ENOSF1: variants seen among roughly 807,000 people sequenced by gnomAD.
ENOSF1 encodes the protein enolase superfamily member 1.
A neutral mutation model predicts 68.2 loss-of-function variants in ENOSF1; 73 were observed. That is an observed-to-expected ratio of 1.07 (90% CI 0.89 to 1.30). The LOEUF (loss-of-function observed/expected upper bound fraction) is 1.30, where lower values mean the gene tolerates loss of function less well. Ranked by LOEUF, ENOSF1 falls within the 50% of genes most tolerant of loss-of-function variation. The pLI, the probability that ENOSF1 is intolerant of heterozygous loss-of-function variation, is 0.00. For missense variants in ENOSF1, 589 were observed against 554.5 expected, an observed-to-expected ratio of 1.06 and a Z score of -0.62; for synonymous variants, 223 against 210.4, an observed-to-expected ratio of 1.06 and a Z score of -0.52.
chr18:703,452 T>C (rs112182517), intron 2 of ENOSF1, among the ~76,000 whole-genome samples: 56 of 152,282 alleles, frequency 3.7e-4, no homozygotes, highest in African/African-American at 1.3e-3. Context: ...GTTTGCAGTA[T>C]GGAGAAAGGC....
At position 691,241 on chromosome 18, in the gene ENOSF1, C is replaced by T. The variant is rs753249529; in HGVS notation, c.459G>A (p.Arg153=). ...PRMLVSCIDF[R]YITDVLTEED... The stretch of plus-strand genomic sequence containing the variant: ...CCTCAGTCAGGACATCAGTGATGTA[C>T]CTGAAATCTATGCAGGATACCAGCA... Residue 153 remains arginine, a synonymous_variant, in exon 6 of 16, where the codon AGG becomes AGA. Transcript: ENST00000647584. The T allele has an allele frequency of 2.5e-6, 4 of 1,614,050 alleles. No homozygotes were observed. The African/African-American group carries it at 5.3e-5, about 22-fold the overall frequency.
At chr18:676,598 C>T (rs2144564773) in intron 14 of ENOSF1, among the ~76,000 whole-genome samples, 1 of 152,304 alleles carries the variant, frequency 6.6e-6, no homozygotes, top group East Asian at 1.9e-4. Flanking sequence ...CCAATTAAAC[C>T]TCTTTTCTTT....
intron 2 of ENOSF1, 46 bp from the exon 3 acceptor site, chr18:697,401 C>G: frequency 7.4e-7 from 1 of 1,346,408 alleles, no homozygotes; most frequent in South Asian, 1.2e-5. Flanking sequence ...TATACTAGGT[C>G]AAGAAATTAG....
At chr18:711,341 G>A (rs72853865) in intron 1 of ENOSF1, among the ~76,000 whole-genome samples, 22,747 of 152,100 alleles carry the variant, frequency 0.15, 1,734 homozygotes, top group East Asian at 0.25. Flanking sequence ...TAATGTAATG[G>A]ACACCAGCTT....
chr18:710,898 G>C (rs990099788), intron 1 of ENOSF1, among the ~76,000 whole-genome samples: 2 of 152,180 alleles, frequency 1.3e-5, no homozygotes, highest in Non-Finnish European at 2.9e-5. Context: ...CATTTATTTT[G>C]AGTTCCATAA....
At chr18:679,068 T>TCC (rs1430976540) in intron 11 of ENOSF1, among the ~76,000 whole-genome samples, 1 of 152,126 alleles carries the variant, frequency 6.6e-6, no homozygotes, top group East Asian at 1.9e-4. Context: ...CGCAGTGGCA[T>TCC]AAGGACAGGG....
At chr18:696,370 C>G (rs1259764931) in intron 3 of ENOSF1, among the ~76,000 whole-genome samples, 2 of 152,004 alleles carry the variant, frequency 1.3e-5, no homozygotes, top group African/African-American at 4.8e-5. Context: ...CGCCACCATG[C>G]CCGGCTAATT....
downstream of ENOSF1, among the ~76,000 whole-genome samples, chr18:666,660 G>A (rs2074821478): frequency 6.6e-6 from 1 of 152,208 alleles, no homozygotes; most frequent in Non-Finnish European, 1.5e-5. Context: ...GCCTGGTGAT[G>A]TCAGAATTCT....
chr18:711,245 T>C (rs1376761483), intron 1 of ENOSF1, among the ~76,000 whole-genome samples: 1 of 152,160 alleles, frequency 6.6e-6, no homozygotes, highest in Non-Finnish European at 1.5e-5. Context: ...ATGAACTTAA[T>C]CTCAAAAAGG....
downstream of ENOSF1, chr18:669,365 G>A (rs1336397365): frequency 2.9e-6 from 1 of 340,450 alleles, no homozygotes; most frequent in East Asian, 4.1e-5. Context: ...GGGCCCAGAG[G>A]ATTTTTTTTT....
intron 9 of ENOSF1, 194 bp from the exon 10 acceptor site, chr18:686,202 G>C (rs2076599315): frequency 1.8e-6 from 1 of 556,188 alleles, no homozygotes. Context: ...TCAGTATCAG[G>C]GCAATGACTC....
intron 5 of ENOSF1, 158 bp from the exon 6 acceptor site, chr18:691,434 C>T (rs2077159594): frequency 1.6e-6 from 1 of 622,718 alleles, no homozygotes; most frequent in African/African-American, 1.8e-5. Flanking sequence ...CAGCCTCAGT[C>T]TCCCTGGCTT....
At chr18:693,806 G>A (rs2077443975) in intron 5 of ENOSF1, 76 bp downstream of exon 5, 15 of 1,602,088 alleles carry the variant, frequency 9.4e-6, no homozygotes, top group Non-Finnish European at 1.1e-5. Flanking sequence ...TATATTTACT[G>A]ATCATCAAAA....
chr18:696,648 G>T lies in ENOSF1; in HGVS notation c.309+592C>A, dbSNP rs751506336. On this transcript the variant is annotated intron_variant, in intron 3 of 15. Coordinates refer to ENST00000647584, the MANE Select transcript of ENOSF1 (RefSeq NM_017512.7). The stretch of plus-strand genomic sequence containing the variant: ...TCCTTAGAGAAGAGATAGCTCTTAG[G>T]ACCCAAATCTCAGGACCTCATCTCC... Among the ~76,000 whole-genome samples, 7 of 152,062 alleles carry T rather than the reference G, an allele frequency of 4.6e-5. 1 individual carries two copies.
At chr18:667,107 AGATGGTGATGGT>A (rs1212083746), downstream of ENOSF1, among the ~76,000 whole-genome samples, 11 of 37,388 alleles carry the variant, frequency 2.9e-4, no homozygotes, top group Non-Finnish European at 4.7e-4. Flanking sequence ...ATGGAGATGG[AGATGGTGATGGT>A]GATGGTGATG....
chr18:691,167 G>A (rs756993184), intron 6 of ENOSF1, 37 bp downstream of exon 6: 4 of 1,612,958 alleles, frequency 2.5e-6, no homozygotes, highest in Non-Finnish European at 3.4e-6. Flanking sequence ...ACTACTGTGT[G>A]TGCACGTCGT....
downstream of ENOSF1, among the ~76,000 whole-genome samples, chr18:668,578 TGATAGAA>T (rs1406262554): frequency 6.6e-6 from 1 of 152,026 alleles, no homozygotes; most frequent in African/African-American, 2.4e-5. Flanking sequence ...GCTGCTGAGG[TGATAGAA>T]AGGAATCCAT....
At chr18:704,803 A>C (rs1182820051) in intron 2 of ENOSF1, among the ~76,000 whole-genome samples, 3 of 152,130 alleles carry the variant, frequency 2.0e-5, no homozygotes, top group Admixed American at 2.0e-4. Context: ...ACAGGGTTTC[A>C]CCATGTTGAC....
At chr18:711,916 C>G (rs1481367241) in intron 1 of ENOSF1, among the ~76,000 whole-genome samples, 1 of 152,104 alleles carries the variant, frequency 6.6e-6, no homozygotes, top group Admixed American at 6.5e-5. Flanking sequence ...TCTGGAACTT[C>G]TCCAAGTCAC....
Sources: gnomAD v4.1 joint callset for allele counts (sites outside exome capture counted in the v4.1 genomes callset) on GRCh38, gnomAD v4.1.1 for gene constraint, MANE v1.5 for transcripts, NCBI Gene and HGNC (gene_info 2026-07-23, HGNC 2026-07-21) for gene names.